CRACD: variants seen among roughly 807,000 people sequenced by gnomAD.
CRACD encodes capping protein-inhibiting regulator of actin dynamics.
Under a neutral mutation model 106.8 loss-of-function variants are expected in CRACD, and 56 were observed. The ratio of observed to expected loss-of-function variants is 0.52; its 90% confidence interval spans 0.42 to 0.66. The LOEUF is 0.66. Among genes scored for constraint, CRACD ranks in the 30% least tolerant of loss-of-function variants. The probability of loss-of-function intolerance (pLI) is 0.00; values close to 1 mark genes in which losing one functional copy is unlikely to be tolerated. For missense variants in CRACD, 1,730 were observed against 1,623.2 expected (o/e 1.07, Z -1.13); for synonymous variants, 754 against 670.8 (o/e 1.12, Z -1.92).
At chr4:56,176,408 A>T (rs1736583599) in intron 1 of CRACD, among the ~76,000 whole-genome samples, 1 of 150,714 alleles carries the variant, frequency 6.6e-6, no homozygotes, top group Non-Finnish European at 1.5e-5. Context: ...TCAAACTATG[A>T]GCATGGAATA....
In CRACD at chr4:56,315,569, C is replaced by T; in HGVS notation, c.2067C>T (p.Asp689=). The T allele has an allele frequency of 1.9e-6, 3 of 1,614,148 alleles. No homozygotes were observed. Among genetic ancestry groups the T allele is most frequent in the Non-Finnish European group, 1.7e-6 (2 of 1,180,030 alleles). The change falls in exon 8 of 11, where the codon GAC becomes GAT. Residue 689 remains aspartate, a synonymous_variant. Coordinates refer to ENST00000682029, the MANE Select transcript of CRACD (RefSeq NM_001393381.1). This position sits in a 1 kb window ranked among gnomAD's most constrained non-coding sequence, Gnocchi z 4.1. The part of the protein sequence containing the change: ...AESDPRSSER[D]QLRPGDESTP... ...GTGACCCGCGCAGCAGCGAGAGGGA[C>T]CAGTTGAGGCCCGGTGATGAGTCCA... is the stretch of plus-strand genomic sequence containing the variant.
intron 1 of CRACD, among the ~76,000 whole-genome samples, chr4:56,111,707 A>G (rs1454422786): frequency 6.6e-6 from 1 of 151,712 alleles, no homozygotes; most frequent in African/African-American, 2.4e-5. Flanking sequence ...TTTATTAGAG[A>G]TAGGGTTTCT....
At chr4:56,085,718 C>T (rs1350841068) in intron 1 of CRACD, among the ~76,000 whole-genome samples, 3 of 152,198 alleles carry the variant, frequency 2.0e-5, no homozygotes, top group African/African-American at 7.2e-5. Flanking sequence ...CATCTGCCCC[C>T]TTGCCTTCAT....
intron 1 of CRACD, among the ~76,000 whole-genome samples, chr4:56,121,884 C>T (rs969374370): frequency 6.6e-6 from 1 of 152,150 alleles, no homozygotes; most frequent in Admixed American, 6.5e-5. Flanking sequence ...GTGATTGCAG[C>T]AATTGTTTAG....
chr4:56,316,267 A>C lies in CRACD; in HGVS notation c.2765A>C (p.Glu922Ala). The C allele has an allele frequency of 6.2e-7, 1 of 1,613,964 alleles. No individual in the cohort carries two copies. Among genetic ancestry groups the C allele is most frequent in the African/African-American group, 1.3e-5 (1 of 75,052 alleles). ...CCTTCCACCCGGAGGGACTCCGCTG[A>C]ACCTTCCAGCAGCCGCTCTGTTCCT... ...QAPSTRRDSA[E>A]PSSSRSVPVA... The change falls in exon 8 of 11, where the codon GAA becomes GCA. Residue 922 changes from glutamate to alanine, a missense_variant. Around this residue, in one of 5 missense-constraint regions of CRACD, gnomAD observed 1,620 missense variants for 1,481.6 expected, o/e 1.09. Transcript: ENST00000682029.
chr4:56,062,890 G>C (rs902131048), intron 1 of CRACD, among the ~76,000 whole-genome samples: 2 of 152,080 alleles, frequency 1.3e-5, no homozygotes, highest in African/African-American at 4.8e-5. Flanking sequence ...ACACCTCCTG[G>C]GTCTTTGGTT....
At chr4:56,228,633 C>T (rs1376144287) in intron 2 of CRACD, among the ~76,000 whole-genome samples, 2 of 147,650 alleles carry the variant, frequency 1.4e-5, no homozygotes, top group Non-Finnish European at 3.0e-5. Flanking sequence ...AAAAAGAATT[C>T]CAGGTGAGGG....
In CRACD at chr4:56,315,868, G is replaced by A. The variant is rs1745598490; in HGVS notation, c.2366G>A (p.Cys789Tyr). The A allele has an allele frequency of 6.2e-7, 1 of 1,614,220 alleles. No homozygotes were observed. The highest frequency in any genetic ancestry group is 8.5e-7 in the Non-Finnish European group (1 of 1,180,046). Residue 789 changes from cysteine (C) to tyrosine (Y), a missense_variant, in exon 8 of 11, where the codon TGC (cysteine) becomes TAC (tyrosine). Cys to Tyr is a radical substitution (Grantham distance 194, BLOSUM62 -2). Coordinates refer to ENST00000682029, the MANE Select transcript of CRACD (RefSeq NM_001393381.1). This position sits in a 1 kb window ranked among gnomAD's most constrained non-coding sequence, Gnocchi z 4.1. ...GAGCCCGCAGACACCACCGAGGGAT[G>A]CAAATTTGCCAAAGACCTCCCGTCT... ...HREPADTTEG[C>Y]KFAKDLPSFL...
intron 1 of CRACD, among the ~76,000 whole-genome samples, chr4:56,165,818 A>C (rs1736120402): frequency 6.6e-6 from 1 of 152,226 alleles, no homozygotes; most frequent in Admixed American, 6.5e-5. Flanking sequence ...GCAAGCAAAG[A>C]GTTCAAATGG....
At chr4:56,296,340 T>A (rs971619259) in intron 3 of CRACD, among the ~76,000 whole-genome samples, 27 of 152,184 alleles carry the variant, frequency 1.8e-4, no homozygotes, top group Middle Eastern at 3.4e-3. Context: ...GTTTTTTTTT[T>A]AAATCAAAGT....
At chr4:56,179,210 A>G (rs1427247799) in intron 1 of CRACD, 74 bp from the exon 2 acceptor site, 3 of 152,106 alleles carry the variant, frequency 2.0e-5, no homozygotes, top group African/African-American at 4.8e-5. Flanking sequence ...ATTGGAAAAG[A>G]GATTCATTTT....
chr4:56,185,635 G>T (rs1737057310), intron 2 of CRACD, among the ~76,000 whole-genome samples: 1 of 152,192 alleles, frequency 6.6e-6, no homozygotes. Flanking sequence ...CGCTTTAGTT[G>T]CTGGTGGACT....
intron 2 of CRACD, among the ~76,000 whole-genome samples, chr4:56,261,171 T>C (rs1033694301): frequency 6.6e-6 from 1 of 152,032 alleles, no homozygotes; most frequent in Non-Finnish European, 1.5e-5. Flanking sequence ...AGCAGGCAGC[T>C]CCCCTGCCAG....
At chr4:56,159,476 C>A (rs1055808014) in intron 1 of CRACD, among the ~76,000 whole-genome samples, 1 of 152,038 alleles carries the variant, frequency 6.6e-6, no homozygotes, top group African/African-American at 2.4e-5. Context: ...CGGTGAAACC[C>A]CATTCTACTA....
chr4:56,148,374 C>G (rs1450448748), intron 1 of CRACD, among the ~76,000 whole-genome samples: 1 of 152,106 alleles, frequency 6.6e-6, no homozygotes, highest in Non-Finnish European at 1.5e-5. Context: ...ACTGCAGCCT[C>G]AAACTTGTGG....
intron 1 of CRACD, among the ~76,000 whole-genome samples, chr4:56,082,827 T>C (rs1390926388): frequency 6.6e-6 from 1 of 151,970 alleles, no homozygotes; most frequent in African/African-American, 2.4e-5. Flanking sequence ...AAATTCTGTT[T>C]AGTAAATTAA....
Position 56,315,301 on chromosome 4 carries a change from G to C in CRACD, c.1799G>C (p.Gly600Ala). 1 of 1,613,796 alleles carries C rather than the reference G, an allele frequency of 6.2e-7. No homozygotes were observed. Among genetic ancestry groups the C allele is most frequent in the Non-Finnish European group, 8.5e-7 (1 of 1,179,940 alleles). ...CCCCACACCGCCATTCTGGTCACGG[G>C]CGCGCAGCTCTGTGGCCCGGCAGTC... is the stretch of plus-strand genomic sequence containing the variant. Reference protein sequence around the residue: ...SVPHTAILVTGAQLCGPAVNL... With the variant: ...SVPHTAILVTAAQLCGPAVNL... Residue 600 changes from glycine to alanine, a missense_variant, in exon 8 of 11, where the codon GGC becomes GCC. Physicochemically the swap from Gly to Ala is moderately conservative, Grantham distance 60. This residue lies in a region of CRACD where 1,620 missense variants were observed against 1,481.6 expected (regional missense o/e 1.09). Transcript: ENST00000682029. This position sits in a 1 kb window ranked among gnomAD's most constrained non-coding sequence, Gnocchi z 4.1.
At chr4:56,077,561 C>T (rs567520953) in intron 1 of CRACD, among the ~76,000 whole-genome samples, 4 of 152,058 alleles carry the variant, frequency 2.6e-5, no homozygotes, top group South Asian at 2.1e-4. Flanking sequence ...TATGGGAGAC[C>T]GTTATGCAAA....
chr4:56,056,170 G>A (rs1421391815), intron 1 of CRACD, among the ~76,000 whole-genome samples: 1 of 152,136 alleles, frequency 6.6e-6, no homozygotes, highest in Non-Finnish European at 1.5e-5. Context: ...GACTGTGGCA[G>A]TGAGAACAGT....
Sources: gnomAD v4.1 joint callset for allele counts (sites outside exome capture counted in the v4.1 genomes callset) on GRCh38, gnomAD v4.1.1 for gene constraint, gnomAD v4.1.1 regional missense constraint, Gnocchi (gnomAD v3.1) non-coding constraint, MANE v1.5 for transcripts, NCBI Gene and HGNC (gene_info 2026-07-23, HGNC 2026-07-21) for gene names.